Variants in PDGFC observed in about 807,000 individuals in gnomAD.
PDGFC encodes the protein platelet-derived growth factor C.
A neutral mutation model predicts 35.5 loss-of-function variants in PDGFC; 12 were observed. That is an observed-to-expected ratio of 0.34 (90% CI 0.22 to 0.55). PDGFC has a LOEUF of 0.55. Ranked by LOEUF, PDGFC falls within the 20% of genes least tolerant of loss-of-function variation. The pLI is 0.91. For missense variants in PDGFC, 322 were observed against 412.4 expected, an observed-to-expected ratio of 0.78 and a Z score of 1.90; for synonymous variants, 159 against 148.8, an observed-to-expected ratio of 1.07 and a Z score of -0.50.
At position 156,796,780 on chromosome 4, in the gene PDGFC, G is replaced by A. The variant is rs76531261; in HGVS notation, c.495+14057C>T. ...GAACCCAATATAATAGTAAGTATTC[G>A]AGAAATGATGCATACTATCATTATT... On this transcript the variant is annotated intron_variant, in intron 3 of 5. Coordinates refer to ENST00000502773, the MANE Select transcript of PDGFC (RefSeq NM_016205.3). Among the ~76,000 whole-genome samples the A allele has an allele frequency of 2.3e-3, 356 of 152,096 alleles. 12 individuals are homozygous for A. The East Asian group carries it at 0.056, about 24-fold the overall frequency.
intron 1 of PDGFC, among the ~76,000 whole-genome samples, chr4:156,881,848 A>C (rs914162352): frequency 6.7e-6 from 1 of 149,784 alleles, no homozygotes; most frequent in African/African-American, 2.5e-5. Context: ...AAAAAAAAGC[A>C]AGAGTTTCCT....
chr4:156,794,238 A>G (rs1295058931), intron 3 of PDGFC, among the ~76,000 whole-genome samples: 1 of 152,138 alleles, frequency 6.6e-6, no homozygotes, highest in African/African-American at 2.4e-5. Context: ...TACACATTCA[A>G]CCATCTTTCT....
chr4:156,834,518 A>T (rs542547645), intron 2 of PDGFC, among the ~76,000 whole-genome samples: 3 of 152,296 alleles, frequency 2.0e-5, no homozygotes, highest in African/African-American at 7.2e-5. Flanking sequence ...TCAAAGTGAC[A>T]GACTGAGATG....
Position 156,823,974 on chromosome 4 carries a change from C to T in PDGFC, c.315-12957G>A, listed in dbSNP as rs187191885. On this transcript the variant is annotated intron_variant, in intron 2 of 5. Transcript: ENST00000502773. ...CATTATGCAAGGTGCAATAAGCCAGCCACAGAAAGACAAGTACTAAATGAT... is the reference window on the plus strand; with the variant it reads ...CATTATGCAAGGTGCAATAAGCCAGTCACAGAAAGACAAGTACTAAATGAT... Among the ~76,000 whole-genome samples the T allele has an allele frequency of 3.0e-4, 45 of 151,922 alleles. 1 individual carries two copies. The highest frequency in any genetic ancestry group is 1.1e-3 in the African/African-American group (44 of 41,426).
chr4:156,943,037 C>G (rs543288051), intron 1 of PDGFC, among the ~76,000 whole-genome samples: 1 of 151,976 alleles, frequency 6.6e-6, no homozygotes, highest in Admixed American at 6.6e-5. Context: ...TGAATTCCCT[C>G]GAAAAAATCT....
At chr4:156,862,867 G>T (rs1221939233) in intron 1 of PDGFC, among the ~76,000 whole-genome samples, 1 of 151,838 alleles carries the variant, frequency 6.6e-6, no homozygotes, top group Non-Finnish European at 1.5e-5. Flanking sequence ...GCCAATTTTT[G>T]TAGTTTTAGT....
intron 1 of PDGFC, among the ~76,000 whole-genome samples, chr4:156,893,468 A>AG (rs1398459010): frequency 1.3e-5 from 2 of 151,866 alleles, no homozygotes; most frequent in Non-Finnish European, 2.9e-5. Context: ...TTGGGACTAT[A>AG]GGTGCATGAT....
chr4:156,781,297 C>T (rs565064564), intron 3 of PDGFC, among the ~76,000 whole-genome samples: 2 of 152,200 alleles, frequency 1.3e-5, no homozygotes, highest in Admixed American at 6.5e-5. Flanking sequence ...ACAATTCAGG[C>T]CAACATGTGA....
At position 156,851,930 on chromosome 4, in the gene PDGFC, CAAAAAAAAAAAAA is replaced by C. The variant is rs61505882; in HGVS notation, c.119-1527_119-1515del. On this transcript the variant is annotated intron_variant, in intron 1 of 5. Coordinates refer to ENST00000502773, the MANE Select transcript of PDGFC (RefSeq NM_016205.3). Reference sequence around the variant, plus strand: ...TGGGCGACAGAATGAGACTCCATCTCAAAAAAAAAAAAAAAAAAAAAAAAAAATCCGTGTAAGG... The same window carrying C: ...TGGGCGACAGAATGAGACTCCATCTCAAAAAAAAAAAAAATCCGTGTAAGG... Among the ~76,000 whole-genome samples, 269 of 47,856 alleles carry C rather than the reference CAAAAAAAAAAAAA, an allele frequency of 5.6e-3. 3 individuals are homozygous for C. Among genetic ancestry groups the C allele is most frequent in the African/African-American group, 0.017 (254 of 15,072 alleles). The allele number at this position is 47,856 out of a possible 152,430, so 31.4% of individuals were successfully genotyped here.
At chr4:156,923,055 A>G (rs1731324860) in intron 1 of PDGFC, among the ~76,000 whole-genome samples, 1 of 152,186 alleles carries the variant, frequency 6.6e-6, no homozygotes, top group African/African-American at 2.4e-5. Context: ...TAAATAAATC[A>G]GATTGCTTTA....
In PDGFC at chr4:156,817,807, C is replaced by T. The variant is rs140971032; in HGVS notation, c.315-6790G>A. On this transcript the variant is annotated intron_variant, in intron 2 of 5. Coordinates refer to ENST00000502773, the MANE Select transcript of PDGFC (RefSeq NM_016205.3). ...GGCGTGGTGGCTCATGCCTGTAATC[C>T]CGGCACTTTGGGAGGCCAAGGTGGG... Among the ~76,000 whole-genome samples, 38 of 151,942 alleles carry T rather than the reference C, an allele frequency of 2.5e-4. 1 individual carries two copies. The highest frequency in any genetic ancestry group is 8.9e-4 in the African/African-American group (37 of 41,436).
chr4:156,945,848 T>C (rs1487926228), intron 1 of PDGFC, among the ~76,000 whole-genome samples: 3 of 152,052 alleles, frequency 2.0e-5, no homozygotes, highest in Admixed American at 1.3e-4. Context: ...ATGGGCCCAA[T>C]CTGACTCCTA....
In PDGFC at chr4:156,862,264, C is replaced by T. The variant is rs188642951; in HGVS notation, c.119-11848G>A. ...TGCACAGAAGTGTTTGACAATTGCA[C>T]ACTTAAGATCAAATTAATAGGGAAG... On this transcript the variant is annotated intron_variant, in intron 1 of 5. Transcript: ENST00000502773. Among the ~76,000 whole-genome samples, 597 of 152,220 alleles carry T rather than the reference C, an allele frequency of 3.9e-3. 1 individual carries two copies. The highest frequency in any genetic ancestry group is 0.014 in the African/African-American group (571 of 41,550).
At chr4:156,866,213 T>A (rs894277425) in intron 1 of PDGFC, among the ~76,000 whole-genome samples, 1 of 152,142 alleles carries the variant, frequency 6.6e-6, no homozygotes, top group Admixed American at 6.5e-5. Flanking sequence ...AGTGTTTGGT[T>A]TTTTGTCCTT....
At chr4:156,797,662 T>C (rs2110903139) in intron 3 of PDGFC, among the ~76,000 whole-genome samples, 1 of 152,274 alleles carries the variant, frequency 6.6e-6, no homozygotes, top group Non-Finnish European at 1.5e-5. Flanking sequence ...CATAATGTTT[T>C]AAGGAAGTTT....
intron 2 of PDGFC, among the ~76,000 whole-genome samples, chr4:156,841,698 G>T (rs1490430655): frequency 6.6e-6 from 1 of 151,824 alleles, no homozygotes; most frequent in Non-Finnish European, 1.5e-5. Context: ...TAGAGACAGG[G>T]TTTTACCAAA....
intron 1 of PDGFC, among the ~76,000 whole-genome samples, chr4:156,921,509 CAAAAGAAAA>C (rs1055657132): frequency 6.6e-6 from 1 of 150,648 alleles, no homozygotes; most frequent in African/African-American, 2.4e-5. Context: ...GGAAAGGAAA[CAAAAGAAAA>C]AAAAGAAAAT....
chr4:156,891,298 A>G (rs929453880), intron 1 of PDGFC, among the ~76,000 whole-genome samples: 7 of 53,606 alleles, frequency 1.3e-4, no homozygotes, highest in African/African-American at 7.5e-4. Flanking sequence ...AAAAAAAAAA[A>G]AAAAAAAAAA....
chr4:156,941,685 C>T (rs1337392459), intron 1 of PDGFC, among the ~76,000 whole-genome samples: 2 of 151,982 alleles, frequency 1.3e-5, no homozygotes, highest in Non-Finnish European at 2.9e-5. Context: ...ACTTTTGGGC[C>T]GGTTAACGAT....
Sources: allele counts gnomAD v4.1 joint callset (sites outside exome capture counted in the v4.1 genomes callset), GRCh38; gene constraint gnomAD v4.1.1; transcripts MANE v1.5; gene names NCBI Gene and HGNC (gene_info 2026-07-23, HGNC 2026-07-21).